DCP2: variants seen among roughly 807,000 people sequenced by gnomAD.
DCP2 encodes decapping mRNA 2.
Under a neutral mutation model 56.1 loss-of-function variants are expected in DCP2, and 30 were observed. That is an observed-to-expected ratio of 0.53 (90% CI 0.40 to 0.73). The LOEUF (loss-of-function observed/expected upper bound fraction) is 0.73, where lower values mean the gene tolerates loss of function less well. Among genes scored for constraint, DCP2 ranks in the 30% least tolerant of loss-of-function variants. DCP2 has a pLI of 0.00. For missense variants in DCP2, 533 were observed against 502.7 expected, an observed-to-expected ratio of 1.06 and a Z score of -0.58; for synonymous variants, 197 against 163.3, an observed-to-expected ratio of 1.21 and a Z score of -1.57.
Position 113,019,885 on chromosome 5 carries a change from A to C in DCP2, c.*6401A>C, listed in dbSNP as rs192463753. ...TACAGTTCATGCATTAGCATTTTTA[A>C]GTGAAGTTCTCTTAATAAGATTGCC... On this transcript the variant is annotated 3_prime_UTR_variant, in exon 11 of 11. Transcript: ENST00000389063. 2.7e-4 allele frequency: 41 copies of C among 152,350 alleles called. No individual in the cohort carries two copies. The highest frequency in any genetic ancestry group is 3.4e-3 in the Middle Eastern group (1 of 294). 9.4% of individuals were successfully genotyped at this position (152,350 alleles called of 1,614,324 possible). A position where few individuals can be genotyped will look rare whatever the true frequency, so the allele number is the denominator to read the frequency against.
In DCP2 at chr5:113,013,662, G is replaced by T; in HGVS notation, c.*178G>T. On this transcript the variant is annotated 3_prime_UTR_variant, in exon 11 of 11. Transcript: ENST00000389063. ...AACACGAGTTTGCACTGTAAATGCA[G>T]TTATAACCTTTTATACAGATTTACC... 2 of 682,742 alleles carry T rather than the reference G, an allele frequency of 2.9e-6. No individual in the cohort carries two copies. The highest frequency in any genetic ancestry group is 2.2e-5 in the South Asian group (1 of 46,032). The allele number at this position is 682,742 out of a possible 1,614,324, so 42.3% of individuals were successfully genotyped here. A position where few individuals can be genotyped will look rare whatever the true frequency, so the allele number is the denominator to read the frequency against.
At chr5:112,993,782 C>T (rs1451744897) in intron 4 of DCP2, among the ~76,000 whole-genome samples, 4 of 151,946 alleles carry the variant, frequency 2.6e-5, no homozygotes, top group African/African-American at 4.8e-5. Context: ...CCACTGCCAC[C>T]GCCACCAACT....
intron 10 of DCP2, 63 bp from the exon 11 acceptor site, chr5:113,013,258 G>A: frequency 6.6e-7 from 1 of 1,518,794 alleles, no homozygotes; most frequent in Non-Finnish European, 8.9e-7. Flanking sequence ...AAAAGGCAAA[G>A]GGCAGTATTT....
intron 8 of DCP2, among the ~76,000 whole-genome samples, chr5:113,005,729 A>G (rs1561702007): frequency 6.6e-6 from 1 of 152,256 alleles, no homozygotes; most frequent in Admixed American, 6.5e-5. Context: ...ATTATTCACA[A>G]TAGCCAAAAG....
chr5:112,985,515 T>C (rs1748236284), intron 1 of DCP2, among the ~76,000 whole-genome samples: 1 of 152,200 alleles, frequency 6.6e-6, no homozygotes, highest in African/African-American at 2.4e-5. Context: ...TTCTTGGAAA[T>C]GTTGCCAGAC....
chr5:113,012,732 C>T (rs1369356456), intron 10 of DCP2, among the ~76,000 whole-genome samples: 1 of 152,206 alleles, frequency 6.6e-6, no homozygotes, highest in Non-Finnish European at 1.5e-5. Context: ...CAGCCTCCGC[C>T]TCCTGGGTAC....
In DCP2 at chr5:113,020,672, A is replaced by G. The variant is rs567881176; in HGVS notation, c.*7188A>G. The G allele has an allele frequency of 6.6e-6, 1 of 152,202 alleles. No homozygotes were observed. The allele number at this position is 152,202 out of a possible 1,614,324, so 9.4% of individuals were successfully genotyped here. On this transcript the variant is annotated 3_prime_UTR_variant, in exon 11 of 11. Transcript: ENST00000389063. ...GATTCATGTTTGTGAATTGGAGTTT[A>G]AATGTTTGCAGGATTACTGTACTTC...
rs934714786 is a variant in DCP2 at position 113,016,264 on chromosome 5, C to T, written c.*2780C>T. The T allele has an allele frequency of 7.3e-4, 111 of 152,474 alleles. No individual in the cohort carries two copies. The highest frequency in any genetic ancestry group is 2.5e-3 in the African/African-American group (103 of 41,474). 9.4% of individuals were successfully genotyped at this position (152,474 alleles called of 1,614,324 possible). A position where few individuals can be genotyped will look rare whatever the true frequency, so the allele number is the denominator to read the frequency against. ...GGTTTAGGATTTCAAATAGTGATACCCTCCTGAGACATGAGCATTTGGAGA... is the reference window on the plus strand; with the variant it reads ...GGTTTAGGATTTCAAATAGTGATACTCTCCTGAGACATGAGCATTTGGAGA... On this transcript the variant is annotated 3_prime_UTR_variant, in exon 11 of 11. Coordinates refer to ENST00000389063, the MANE Select transcript of DCP2 (RefSeq NM_152624.6).
intron 1 of DCP2, among the ~76,000 whole-genome samples, chr5:112,980,352 G>A (rs965474677): frequency 2.6e-5 from 4 of 152,296 alleles, no homozygotes; most frequent in South Asian, 2.1e-4. Context: ...TGGTGATAGC[G>A]TAGGTTAATT....
intron 1 of DCP2, among the ~76,000 whole-genome samples, chr5:112,980,294 T>C (rs1299114044): frequency 6.6e-6 from 1 of 152,214 alleles, no homozygotes; most frequent in African/African-American, 2.4e-5. Context: ...GCCACACTAG[T>C]GTTAAAAGAA....
At chr5:113,000,590 T>C (rs888555915) in intron 4 of DCP2, among the ~76,000 whole-genome samples, 2 of 152,166 alleles carry the variant, frequency 1.3e-5, no homozygotes, top group Non-Finnish European at 2.9e-5. Context: ...ATTATTAAGC[T>C]CTATCTCAAG....
chr5:113,009,602 A>G (rs1008738774), intron 9 of DCP2, among the ~76,000 whole-genome samples: 4 of 152,218 alleles, frequency 2.6e-5, no homozygotes, highest in African/African-American at 9.7e-5. Context: ...AGAGGAATCT[A>G]AAGAATGTTC....
chr5:112,986,866 G>A (rs1214837503), intron 2 of DCP2, among the ~76,000 whole-genome samples: 1 of 152,100 alleles, frequency 6.6e-6, no homozygotes, highest in Non-Finnish European at 1.5e-5. Context: ...ACCTGGGCAT[G>A]GTGGCACTCA....
intron 10 of DCP2, among the ~76,000 whole-genome samples, chr5:113,012,606 T>C (rs1472517865): frequency 2.6e-5 from 4 of 152,150 alleles, no homozygotes; most frequent in Non-Finnish European, 5.9e-5. Flanking sequence ...TGTTGTACTA[T>C]GATTTGGAAA....
chr5:113,009,314 A>G (rs1028852784), intron 9 of DCP2, among the ~76,000 whole-genome samples: 4 of 152,246 alleles, frequency 2.6e-5, no homozygotes, highest in African/African-American at 7.2e-5. Context: ...GTTGTTTAAG[A>G]CGAAAGTTAA....
Position 113,005,151 on chromosome 5 carries a change from G to GGGGTGTGGGGGT in DCP2, c.942+1075_942+1076insGGTGTGGGGGTG, listed in dbSNP as rs140772660. ...TCTCAAAAAAAAAAGTGTGCGTGTG[G>GGGGTGTGGGGGT]GTGTGTGTGTGTGTGTGTAAACTGG... On this transcript the variant is annotated intron_variant, in intron 8 of 10. Coordinates refer to ENST00000389063, the MANE Select transcript of DCP2 (RefSeq NM_152624.6). Among the ~76,000 whole-genome samples the GGGGTGTGGGGGT allele has an allele frequency of 5.4e-5, 8 of 149,524 alleles. No homozygotes were observed. The South Asian group carries it at 1.7e-3, about 32-fold the overall frequency.
At chr5:113,012,628 T>TC (rs1749723955) in intron 10 of DCP2, among the ~76,000 whole-genome samples, 1 of 152,144 alleles carries the variant, frequency 6.6e-6, no homozygotes. Flanking sequence ...TTTGGATTTT[T>TC]CTTTTTTTTC....
At position 112,992,695 on chromosome 5, in the gene DCP2, A is replaced by G. The variant is rs375192952; in HGVS notation, c.357A>G (p.Leu119=). 4.4e-6 allele frequency: 7 copies of G among 1,585,894 alleles called. No homozygotes were observed. The highest frequency in any genetic ancestry group is 2.3e-5 in the East Asian group (1 of 42,854). ...AGGTACTACTAGTTCAGGGGTACCT[A>G]GCAAAATCAGGCTGGGGATTTCCAA... ...LENVLLVQGY[L]AKSGWGFPKG... Residue 119 remains leucine, a synonymous_variant, in exon 4 of 11, where the codon CTA becomes CTG. Transcript: ENST00000389063.
At chr5:112,999,453 C>T (rs753522410) in intron 4 of DCP2, among the ~76,000 whole-genome samples, 44 of 151,692 alleles carry the variant, frequency 2.9e-4, no homozygotes, top group African/African-American at 1.0e-3. Context: ...CTCAGCCTTC[C>T]GAGTAGCTGG....
Sources: allele counts gnomAD v4.1 joint callset (sites outside exome capture counted in the v4.1 genomes callset), GRCh38; gene constraint gnomAD v4.1.1; transcripts MANE v1.5; gene names NCBI Gene and HGNC (gene_info 2026-07-23, HGNC 2026-07-21).